FCHSD2: variants seen among roughly 807,000 people sequenced by gnomAD.
The protein encoded by FCHSD2 is FCH and double SH3 domains 2, also known as F-BAR and double SH3 domains protein 2.
Under a neutral mutation model 108.1 loss-of-function variants are expected in FCHSD2, and 38 were observed. The ratio of observed to expected loss-of-function variants is 0.35; its 90% CI spans 0.27 to 0.46. The LOEUF (loss-of-function observed/expected upper bound fraction) is 0.46. Among genes scored for constraint, FCHSD2 ranks in the 20% least tolerant of loss-of-function variants. The pLI is 1.00. For missense variants in FCHSD2, 751 were observed against 897.8 expected (o/e 0.84, Z 2.09); for synonymous variants, 279 against 314.7 (o/e 0.89, Z 1.20).
chr11:73,049,767 T>C (rs1420328995), intron 3 of FCHSD2, among the ~76,000 whole-genome samples: 1 of 151,952 alleles, frequency 6.6e-6, no homozygotes, highest in Non-Finnish European at 1.5e-5. Context: ...AAGGCATATT[T>C]TAAAGGGCTA....
At chr11:72,849,357 C>A (rs1861226298) in intron 14 of FCHSD2, among the ~76,000 whole-genome samples, 1 of 152,108 alleles carries the variant, frequency 6.6e-6, no homozygotes, top group Admixed American at 6.5e-5. Context: ...TTTAGTGGAG[C>A]ATCAAAGAAA....
At chr11:73,102,461 A>C (rs975884468) in intron 2 of FCHSD2, among the ~76,000 whole-genome samples, 1 of 152,268 alleles carries the variant, frequency 6.6e-6, no homozygotes, top group Non-Finnish European at 1.5e-5. Flanking sequence ...CATTATTTAT[A>C]ATAGCCAAAA....
At chr11:72,934,989 A>C (rs1036565040) in intron 8 of FCHSD2, among the ~76,000 whole-genome samples, 2 of 151,796 alleles carry the variant, frequency 1.3e-5, no homozygotes, top group Admixed American at 6.6e-5. Context: ...TAGGCCACAC[A>C]CTCCCTTACA....
Position 72,906,474 on chromosome 11 carries a change from G to C in FCHSD2, c.829-3836C>G, listed in dbSNP as rs1041840327. Among the ~76,000 whole-genome samples, 2 of 152,060 alleles carry C rather than the reference G, an allele frequency of 1.3e-5. 1 individual carries two copies. Among genetic ancestry groups the C allele is most frequent in the Non-Finnish European group, 2.9e-5 (2 of 68,008 alleles). On this transcript the variant is annotated intron_variant, in intron 9 of 19. Coordinates refer to ENST00000409418, the MANE Select transcript of FCHSD2 (RefSeq NM_014824.3). Reference sequence around the variant, plus strand: ...TTTGGTTTTTGTTGCCATTGCTTTCGGTGTTTTAGTCATGAAGTCTTTGCC... The same window carrying C: ...TTTGGTTTTTGTTGCCATTGCTTTCCGTGTTTTAGTCATGAAGTCTTTGCC...
intron 3 of FCHSD2, among the ~76,000 whole-genome samples, chr11:73,074,421 A>C (rs1859501608): frequency 6.6e-6 from 1 of 152,212 alleles, no homozygotes. Flanking sequence ...AGAAAATGAA[A>C]TCCTCACCCC....
intron 8 of FCHSD2, among the ~76,000 whole-genome samples, chr11:72,932,416 C>A (rs983800848): frequency 6.6e-6 from 1 of 152,210 alleles, no homozygotes; most frequent in African/African-American, 2.4e-5. Flanking sequence ...TTAAAAAAAT[C>A]ATTACAGACC....
At chr11:73,073,539 C>T (rs1591532252) in intron 3 of FCHSD2, among the ~76,000 whole-genome samples, 2 of 152,174 alleles carry the variant, frequency 1.3e-5, no homozygotes, top group African/African-American at 4.8e-5. Flanking sequence ...TGCTGTCATA[C>T]GATCAATCCC....
chr11:73,121,174 T>TACAC (rs34381314), intron 2 of FCHSD2, among the ~76,000 whole-genome samples: 25 of 148,744 alleles, frequency 1.7e-4, no homozygotes, highest in African/African-American at 5.2e-4. Flanking sequence ...CACATACACA[T>TACAC]ACACACACAC....
At chr11:73,129,124 G>A (rs1181557268) in intron 2 of FCHSD2, among the ~76,000 whole-genome samples, 3 of 152,088 alleles carry the variant, frequency 2.0e-5, no homozygotes, top group African/African-American at 7.2e-5. Context: ...GCCCACCTCG[G>A]CCTCCCAAAG....
intron 3 of FCHSD2, among the ~76,000 whole-genome samples, chr11:73,025,345 T>G (rs1408162380): frequency 6.6e-6 from 1 of 152,138 alleles, no homozygotes; most frequent in African/African-American, 2.4e-5. Context: ...TGCAGGAACA[T>G]GGATGGAGCT....
At chr11:73,120,669 C>T (rs1167575731) in intron 2 of FCHSD2, among the ~76,000 whole-genome samples, 1 of 152,002 alleles carries the variant, frequency 6.6e-6, no homozygotes, top group Non-Finnish European at 1.5e-5. Context: ...GCGGAGGCTG[C>T]AGTGAGCTGA....
chr11:72,985,155 CTAAT>C lies in FCHSD2; in HGVS notation c.522-43_522-40del, dbSNP rs768502183. On this transcript the variant is annotated intron_variant, in intron 6 of 19. Transcript: ENST00000409418. ...AGAAAAGTATGTTTAATAAAATCAT[CTAAT>C]TATATCACAATAAAATTACTAAATA... 4 of 558,274 alleles carry C rather than the reference CTAAT, an allele frequency of 7.2e-6. No individual in the cohort carries two copies. In the South Asian group the frequency reaches 1.2e-4, roughly 17 times the overall value. 34.6% of individuals were successfully genotyped at this position (558,274 alleles called of 1,614,324 possible). A position where few individuals can be genotyped will look rare whatever the true frequency, so the allele number is the denominator to read the frequency against.
intron 2 of FCHSD2, among the ~76,000 whole-genome samples, chr11:73,109,305 G>A (rs891253036): frequency 1.3e-5 from 2 of 152,132 alleles, no homozygotes; most frequent in African/African-American, 4.8e-5. Flanking sequence ...TCTGTAGATT[G>A]CTATAGAAAC....
chr11:72,931,304 A>C (rs1189481533), intron 8 of FCHSD2, among the ~76,000 whole-genome samples: 2 of 139,806 alleles, frequency 1.4e-5, no homozygotes, highest in African/African-American at 5.2e-5. Flanking sequence ...ATGAGGTTTC[A>C]CCATGTTGGT....
intron 2 of FCHSD2, among the ~76,000 whole-genome samples, chr11:73,090,887 C>G (rs2083664076): frequency 6.6e-6 from 1 of 152,140 alleles, no homozygotes; most frequent in African/African-American, 2.4e-5. Flanking sequence ...TTCATCACCC[C>G]AGAACACTCC....
At chr11:73,004,100 C>T (rs1388690832) in intron 4 of FCHSD2, among the ~76,000 whole-genome samples, 2 of 80,570 alleles carry the variant, frequency 2.5e-5, no homozygotes, top group African/African-American at 1.1e-4. Context: ...GAGAGTAAGA[C>T]TCCAACTCCA....
intron 8 of FCHSD2, among the ~76,000 whole-genome samples, chr11:72,948,780 C>T (rs928764070): frequency 1.3e-5 from 2 of 151,956 alleles, no homozygotes; most frequent in African/African-American, 4.8e-5. Flanking sequence ...ATTCTCCTGC[C>T]TCAGTCTCCC....
At chr11:72,936,465 G>C (rs1307602111) in intron 8 of FCHSD2, among the ~76,000 whole-genome samples, 4 of 152,084 alleles carry the variant, frequency 2.6e-5, no homozygotes, top group Non-Finnish European at 5.9e-5. Flanking sequence ...GGAATTATCA[G>C]TGTGATTTTA....
chr11:72,930,058 GA>G (rs1389942892), intron 8 of FCHSD2, among the ~76,000 whole-genome samples: 1 of 152,064 alleles, frequency 6.6e-6, no homozygotes, highest in Non-Finnish European at 1.5e-5. Flanking sequence ...TTATTATGAT[GA>G]AAAAAATAAT....
Sources: allele counts gnomAD v4.1 joint callset (sites outside exome capture counted in the v4.1 genomes callset), GRCh38; gene constraint gnomAD v4.1.1; transcripts MANE v1.5; gene names NCBI Gene and HGNC (gene_info 2026-07-23, HGNC 2026-07-21).